Variants in PLRG1 observed in about 807,000 individuals in gnomAD.
PLRG1 encodes pleiotropic regulator 1, also known as pleiotropic regulator 1 (PRL1 homolog, Arabidopsis).
Under a neutral mutation model 74.9 loss-of-function variants are expected in PLRG1, and 28 were observed. That is an observed-to-expected ratio of 0.37 (90% CI 0.28 to 0.51). PLRG1 has a LOEUF of 0.51. Among genes scored for constraint, PLRG1 ranks in the 20% least tolerant of loss-of-function variants. The pLI, the probability that PLRG1 is intolerant of heterozygous loss-of-function variation, is 0.91. For missense variants in PLRG1, 445 were observed against 631.9 expected (o/e 0.70, Z 3.17); for synonymous variants, 197 against 212.4 (o/e 0.93, Z 0.63).
chr4:154,547,355 T>C, intron 3 of PLRG1: 1 of 523,244 alleles, frequency 1.9e-6, no homozygotes, highest in Non-Finnish European at 3.4e-6. Context: ...TCTTGAATTC[T>C]CTTTACTTAT....
At position 154,545,911 on chromosome 4, in the gene PLRG1, A is replaced by T; in HGVS notation, c.417T>A (p.Asn139Lys). The stretch of plus-strand genomic sequence containing the variant: ...ATTCACTTCCACTAGGGGCAGTACG[A>T]TTTGCATCAGCCCTGGGGCAAAAGA... Reference protein sequence around the residue: ...ALPLQTKADANRTAPSGSEYR... With the variant: ...ALPLQTKADAKRTAPSGSEYR... The change falls in exon 6 of 15, where the codon AAT (asparagine) becomes AAA (lysine). Residue 139 changes from asparagine to lysine, a missense_variant. By Grantham distance (94) the Asn-to-Lys change is moderately conservative (BLOSUM62 0). This residue lies in a region of PLRG1 where 206 missense variants were observed against 210.8 expected (regional missense o/e 0.98). Coordinates refer to ENST00000499023, the MANE Select transcript of PLRG1 (RefSeq NM_002669.4). The T allele has an allele frequency of 6.2e-7, 1 of 1,609,534 alleles. No individual in the cohort carries two copies. The highest frequency in any genetic ancestry group is 1.1e-5 in the South Asian group (1 of 90,882).
intron 12 of PLRG1, among the ~76,000 whole-genome samples, chr4:154,538,735 T>A (rs971806294): frequency 6.6e-6 from 1 of 152,136 alleles, no homozygotes; most frequent in Non-Finnish European, 1.5e-5. Context: ...TGTTTCTACA[T>A]ATATTAACTT....
chr4:154,538,672 T>C (rs532600532), intron 12 of PLRG1, among the ~76,000 whole-genome samples: 21 of 152,104 alleles, frequency 1.4e-4, no homozygotes, highest in Non-Finnish European at 2.9e-4. Flanking sequence ...TGTGATATTA[T>C]GCTCCACCTT....
chr4:154,547,949 T>A, intron 2 of PLRG1, 96 bp from the exon 3 acceptor site: 1 of 902,068 alleles, frequency 1.1e-6, no homozygotes, highest in Non-Finnish European at 1.6e-6. Context: ...AAGTTTCTAG[T>A]ATGATTTTAA....
intron 11 of PLRG1, among the ~76,000 whole-genome samples, chr4:154,539,633 T>C (rs1452454456): frequency 1.3e-5 from 2 of 152,100 alleles, no homozygotes; most frequent in East Asian, 3.8e-4. Context: ...AGTCTCAAGA[T>C]GTTTTGTCTT....
At chr4:154,543,351 G>A (rs868459083) in intron 7 of PLRG1, among the ~76,000 whole-genome samples, 3 of 152,050 alleles carry the variant, frequency 2.0e-5, no homozygotes, top group Non-Finnish European at 1.5e-5. Context: ...GTTTTGTTGT[G>A]TTGCCCAGGC....
chr4:154,548,160 C>T (rs1729693286), intron 2 of PLRG1, among the ~76,000 whole-genome samples: 1 of 152,086 alleles, frequency 6.6e-6, no homozygotes, highest in Non-Finnish European at 1.5e-5. Flanking sequence ...TAAGAAACCT[C>T]AAAGTCAATA....
At chr4:154,539,449 C>T (rs1031360636) in intron 11 of PLRG1, among the ~76,000 whole-genome samples, 1 of 151,726 alleles carries the variant, frequency 6.6e-6, no homozygotes, top group African/African-American at 2.4e-5. Flanking sequence ...AAAACAAATG[C>T]AAATAACAAA....
At chr4:154,542,045 A>G in intron 8 of PLRG1, 142 bp downstream of exon 8, 1 of 618,890 alleles carries the variant, frequency 1.6e-6, no homozygotes, top group South Asian at 2.1e-5. Context: ...ACTTATTAGT[A>G]TAAATGATAA....
chr4:154,537,180 A>T, intron 14 of PLRG1, 106 bp downstream of exon 14: 1 of 650,262 alleles, frequency 1.5e-6, no homozygotes, highest in Non-Finnish European at 2.6e-6. Context: ...GAAGACAGAT[A>T]TCTTAAATAC....
At chr4:154,550,123 T>C (rs1729735291) in intron 1 of PLRG1, among the ~76,000 whole-genome samples, 177 bp downstream of exon 1, 3 of 152,226 alleles carry the variant, frequency 2.0e-5, no homozygotes, top group African/African-American at 7.2e-5. Context: ...CGGGTTCTCA[T>C]CCGGCTTCTA....
chr4:154,536,834 C>T lies in PLRG1; in HGVS notation c.1486-90G>A, dbSNP rs1242073653. The T allele has an allele frequency of 1.6e-5, 11 of 707,506 alleles. 1 individual carries two copies. Among genetic ancestry groups the T allele is most frequent in the Admixed American group, 7.7e-5 (3 of 38,828 alleles). The allele number at this position is 707,506 out of a possible 1,614,324, so 43.8% of individuals were successfully genotyped here. On this transcript the variant is annotated intron_variant, in intron 14 of 14. Transcript: ENST00000499023. ...TTTCTAACAAAAATAAGGTATCTAACATTATTCATTGGCTTTATACACTTA... is the reference window on the plus strand; with the variant it reads ...TTTCTAACAAAAATAAGGTATCTAATATTATTCATTGGCTTTATACACTTA...
In PLRG1 at chr4:154,540,822, T is replaced by C; in HGVS notation, c.800A>G (p.Asp267Gly). 4 of 1,613,852 alleles carry C rather than the reference T, an allele frequency of 2.5e-6. No homozygotes were observed. Among genetic ancestry groups the C allele is most frequent in the Non-Finnish European group, 2.5e-6 (3 of 1,179,768 alleles). The stretch of plus-strand genomic sequence containing the variant: ...GAGATCCCAGCATTTCACTTGTTTG[T>C]CTTCTCCACAAGAGAACAGATATGG... Reference protein sequence around the residue: ...RSPYLFSCGEDKQVKCWDLEY... With the variant: ...RSPYLFSCGEGKQVKCWDLEY... The change falls in exon 9 of 15, where the codon GAC becomes GGC. Residue 267 changes from aspartate (D) to glycine (G), a missense_variant. This residue lies in a region of PLRG1 where 221 missense variants were observed against 377.7 expected (regional missense o/e 0.59). Coordinates refer to ENST00000499023, the MANE Select transcript of PLRG1 (RefSeq NM_002669.4).
chr4:154,547,745 A>G lies in PLRG1; in HGVS notation c.225T>C (p.Asp75=). 1.2e-6 allele frequency: 2 copies of G among 1,613,212 alleles called. No individual in the cohort carries two copies. The highest frequency in any genetic ancestry group is 2.2e-5 in the East Asian group (1 of 44,848). Residue 75 remains aspartate, a synonymous_variant, in exon 3 of 15, where the codon GAT becomes GAC. Coordinates refer to ENST00000499023, the MANE Select transcript of PLRG1 (RefSeq NM_002669.4). Reference sequence around the variant, plus strand: ...CAGGGTACTGTTTATGAACATATGAATCCGTTGCATTCTGAGGACCCTTCT... The same window carrying G: ...CAGGGTACTGTTTATGAACATATGAGTCCGTTGCATTCTGAGGACCCTTCT... ...LKEKGPQNAT[D]SYVHKQYPAN...
chr4:154,548,047 A>T (rs570470334), intron 2 of PLRG1, among the ~76,000 whole-genome samples, 194 bp from the exon 3 acceptor site: 48 of 152,328 alleles, frequency 3.2e-4, no homozygotes, highest in African/African-American at 1.1e-3. Context: ...AGCATTCATT[A>T]AACCTACGTA....
In PLRG1 at chr4:154,538,116, A is replaced by G; in HGVS notation, c.1152-8T>C. The G allele has an allele frequency of 7.1e-7, 1 of 1,400,618 alleles. No individual in the cohort carries two copies. The highest frequency in any genetic ancestry group is 9.7e-7 in the Non-Finnish European group (1 of 1,026,802). The allele number at this position is 1,400,618 out of a possible 1,614,324, so 86.8% of individuals were successfully genotyped here. On this transcript the variant is annotated splice_polypyrimidine_tract_variant and splice_region_variant and intron_variant, in intron 12 of 14. Transcript: ENST00000499023. The stretch of plus-strand genomic sequence containing the variant: ...CCAGATGCAAATGTGTAACTGAAAT[A>G]ATATTAAAAAGAATTAACGACAAAG...
Position 154,537,340 on chromosome 4 carries a change from T to C in PLRG1, c.1431A>G (p.Leu477=). ...ACAFDQSESR[L]LTAEADKTIK... ...TGGTTTTATCAGCTTCAGCTGTTAG[T>C]AATCGACTTTCAGACTGATCAAAAG... Residue 477 remains leucine (L), a synonymous_variant, in exon 14 of 15, where the codon TTA becomes TTG. Coordinates refer to ENST00000499023, the MANE Select transcript of PLRG1 (RefSeq NM_002669.4). 6.2e-7 allele frequency: 1 copy of C among 1,613,232 alleles called. No homozygotes were observed. The highest frequency in any genetic ancestry group is 1.1e-5 in the South Asian group (1 of 91,038).
chr4:154,548,861 A>G lies in PLRG1; in HGVS notation c.84T>C (p.Asp28=). 1 of 1,610,026 alleles carries G rather than the reference A, an allele frequency of 6.2e-7. No individual in the cohort carries two copies. Among genetic ancestry groups the G allele is most frequent in the East Asian group, 2.2e-5 (1 of 44,834 alleles). ...LKRTHDMFVA[D]NGKPVPLDEE... ...CATCTAAAGGCACAGGTTTTCCATT[A>G]TCAGCTACAAACATGTCATGGGTCC... is the stretch of plus-strand genomic sequence containing the variant. Residue 28 remains aspartate, a synonymous_variant, in exon 2 of 15, where the codon GAT becomes GAC. Coordinates refer to ENST00000499023, the MANE Select transcript of PLRG1 (RefSeq NM_002669.4).
At chr4:154,544,752 T>C (rs1021656674) in intron 6 of PLRG1, among the ~76,000 whole-genome samples, 2 of 152,194 alleles carry the variant, frequency 1.3e-5, no homozygotes, top group African/African-American at 4.8e-5. Flanking sequence ...CACATCACTG[T>C]GTACGGGTTC....
Sources: allele counts gnomAD v4.1 joint callset (sites outside exome capture counted in the v4.1 genomes callset), GRCh38; gene constraint gnomAD v4.1.1; regional missense constraint gnomAD v4.1.1; transcripts MANE v1.5; gene names NCBI Gene and HGNC (gene_info 2026-07-23, HGNC 2026-07-21).